The following TJP1 variants were observed in gnomAD, a reference collection of about 807,000 sequenced individuals.
The protein encoded by TJP1 is tight junction protein ZO-1.
In TJP1, 43 loss-of-function variants were observed where a neutral mutation model predicts 194.2. The observed-to-expected ratio is 0.22, with a 90% confidence interval of 0.17 to 0.29. The LOEUF (loss-of-function observed/expected upper bound fraction) is 0.29, where lower values mean the gene tolerates loss of function less well. Among genes scored for constraint, TJP1 ranks in the 10% least tolerant of loss-of-function variants. TJP1 has a pLI of 1.00. For missense variants in TJP1, 1,971 were observed against 2,185.7 expected (o/e 0.90, Z 1.96); for synonymous variants, 801 against 779.0 (o/e 1.03, Z -0.47).
chr15:29,720,793 A>T lies in TJP1; in HGVS notation c.2413-85T>A, dbSNP rs777589222. On this transcript the variant is annotated intron_variant, in intron 18 of 27. Transcript: ENST00000614355. ...TATCGTACAAGGCAGATTGAAAAGG[A>T]TATCTTTCTCTGGAGAAGTCACATC... 497 of 1,103,730 alleles carry T rather than the reference A, an allele frequency of 4.5e-4. 1 individual carries two copies. Among genetic ancestry groups the T allele is most frequent in the Non-Finnish European group, 5.7e-4 (448 of 780,812 alleles). 68.4% of individuals were successfully genotyped at this position (1,103,730 alleles called of 1,614,324 possible). A position where few individuals can be genotyped will look rare whatever the true frequency, so the allele number is the denominator to read the frequency against.
rs1245107699 is a variant in TJP1, at chr15:29,761,630, A to C, written c.833T>G (p.Ile278Ser). Residue 278 changes from isoleucine (I) to serine (S), a missense_variant, in exon 7 of 28, where the codon ATC (isoleucine) becomes AGC (serine). Transcript: ENST00000614355. The part of the protein sequence containing the change: ...LLNVPDLSDS[I>S]HSANASERDD... ...TCTCTCAGAGGCATTAGCAGAGTGG[A>C]TGCTGTCAGAAAGATCAGGGACATT... 1 of 1,606,068 alleles carries C rather than the reference A, an allele frequency of 6.2e-7. No individual in the cohort carries two copies. Among genetic ancestry groups the C allele is most frequent in the East Asian group, 2.2e-5 (1 of 44,604 alleles).
chr15:29,790,725 C>T (rs571696865), intron 2 of TJP1, among the ~76,000 whole-genome samples: 1 of 151,496 alleles, frequency 6.6e-6, no homozygotes, highest in South Asian at 2.1e-4. Flanking sequence ...CATCATTCTA[C>T]TCTCTGTCTC....
At chr15:29,793,450 C>A (rs935057718) in intron 2 of TJP1, among the ~76,000 whole-genome samples, 3 of 152,068 alleles carry the variant, frequency 2.0e-5, no homozygotes, top group East Asian at 1.9e-4. Flanking sequence ...TAAAGAAATA[C>A]CTGAGACTGG....
At chr15:29,877,021 G>C (rs895714575) in intron 2 of TJP1, among the ~76,000 whole-genome samples, 2 of 152,136 alleles carry the variant, frequency 1.3e-5, no homozygotes, top group African/African-American at 4.8e-5. Flanking sequence ...CCTCACTTTT[G>C]TCAAAATTTT....
chr15:29,737,250 C>CT lies in TJP1; in HGVS notation c.1407+13_1407+14insA. 6.2e-7 allele frequency: 1 copy of CT among 1,612,660 alleles called. No individual in the cohort carries two copies. The highest frequency in any genetic ancestry group is 8.5e-7 in the Non-Finnish European group (1 of 1,179,090). The stretch of plus-strand genomic sequence containing the variant: ...AATACTTTTTAACCCACATAAGTTG[C>CT]AATACTGACATACCCTGAGAATTTG... On this transcript the variant is annotated intron_variant, in intron 11 of 27. Transcript: ENST00000614355.
intron 2 of TJP1, among the ~76,000 whole-genome samples, chr15:29,937,362 T>C (rs1424342883): frequency 1.3e-5 from 2 of 152,152 alleles, no homozygotes; most frequent in African/African-American, 4.8e-5. Context: ...TTTTATATCA[T>C]TTAAACAAAG....
chr15:29,871,231 A>G (rs1052400623), intron 2 of TJP1, among the ~76,000 whole-genome samples: 1 of 152,258 alleles, frequency 6.6e-6, no homozygotes, highest in Admixed American at 6.5e-5. Flanking sequence ...ACGTATGCAA[A>G]GCAGGAAGTG....
intron 8 of TJP1, among the ~76,000 whole-genome samples, chr15:29,753,454 A>C (rs1409677134): frequency 2.1e-5 from 3 of 141,556 alleles, no homozygotes; most frequent in Admixed American, 1.5e-4. Flanking sequence ...ACTGCACTCC[A>C]GCCTGGGAGA....
intron 2 of TJP1, among the ~76,000 whole-genome samples, chr15:29,901,939 C>T (rs1365715882): frequency 6.6e-6 from 1 of 151,806 alleles, no homozygotes; most frequent in African/African-American, 2.4e-5. Context: ...TGTACCAGCC[C>T]GTAATTCTGC....
chr15:29,772,240 T>C (rs1050727455), intron 3 of TJP1, 74 bp from the exon 4 acceptor site: 9 of 830,458 alleles, frequency 1.1e-5, no homozygotes, highest in Middle Eastern at 2.2e-4. Context: ...ATTTCCAAGA[T>C]AGGTACTTCT....
chr15:29,779,234 G>C (rs2047202924), intron 2 of TJP1, among the ~76,000 whole-genome samples: 1 of 152,164 alleles, frequency 6.6e-6, no homozygotes, highest in African/African-American at 2.4e-5. Flanking sequence ...GTGACTGTTT[G>C]ATGTCAGAGG....
intron 2 of TJP1, among the ~76,000 whole-genome samples, chr15:29,939,682 T>C (rs2055000699): frequency 6.6e-6 from 1 of 152,144 alleles, no homozygotes; most frequent in Non-Finnish European, 1.5e-5. Context: ...ACAAAAGTGA[T>C]GGTATTAGGA....
intron 2 of TJP1, among the ~76,000 whole-genome samples, chr15:29,949,327 T>C (rs62649075): frequency 0.011 from 235 of 21,042 alleles, no homozygotes; most frequent in Middle Eastern, 0.033. Context: ...TCACCACCAC[T>C]ACCTCCACCA....
chr15:29,711,327 A>G (rs1311590575), intron 23 of TJP1, among the ~76,000 whole-genome samples: 1 of 152,186 alleles, frequency 6.6e-6, no homozygotes, highest in Non-Finnish European at 1.5e-5. Flanking sequence ...AGTCTTGCAA[A>G]TATTCTGAAA....
chr15:29,948,631 C>A (rs1191577890), intron 2 of TJP1, among the ~76,000 whole-genome samples: 2 of 152,152 alleles, frequency 1.3e-5, no homozygotes, highest in Non-Finnish European at 2.9e-5. Flanking sequence ...CTGCCCATGG[C>A]ATGGCACAAG....
chr15:29,716,953 T>A, intron 22 of TJP1, 115 bp from the exon 23 acceptor site: 1 of 874,942 alleles, frequency 1.1e-6, no homozygotes, highest in Non-Finnish European at 1.7e-6. Flanking sequence ...ACTGCTGTGA[T>A]TACTGAGGAT....
Position 29,720,381 on chromosome 15 carries a change from C to G in TJP1, c.2740G>C (p.Gly914Arg). ...PQPIHRIDSPGFKPASQQKAE... is the reference protein window; with the variant it reads ...PQPIHRIDSPRFKPASQQKAE... ...ACCTGTTGAGAGGCTGGCTTAAATC[C>G]AGGGGAGTCTATTCTATGAATTGGT... The change falls in exon 19 of 28, where the codon GGA becomes CGA. Residue 914 changes from glycine (G) to arginine (R), a missense_variant. Physicochemically the swap from Gly to Arg is moderately radical, Grantham distance 125. Transcript: ENST00000614355. 1 of 1,598,340 alleles carries G rather than the reference C, an allele frequency of 6.3e-7. No individual in the cohort carries two copies. The highest frequency in any genetic ancestry group is 8.5e-7 in the Non-Finnish European group (1 of 1,171,766).
At chr15:29,863,991 G>T (rs985012284) in intron 2 of TJP1, among the ~76,000 whole-genome samples, 53 of 152,166 alleles carry the variant, frequency 3.5e-4, no homozygotes, top group Middle Eastern at 3.4e-3. Flanking sequence ...TTAAACCATA[G>T]GCTTCAACTT....
chr15:29,799,043 T>C (rs763344427), intron 2 of TJP1, among the ~76,000 whole-genome samples: 5 of 152,350 alleles, frequency 3.3e-5, no homozygotes, highest in South Asian at 2.1e-4. Context: ...AGTTTTTGTA[T>C]TGAAGTTGTC....
Sources: allele counts gnomAD v4.1 joint callset (sites outside exome capture counted in the v4.1 genomes callset), GRCh38; gene constraint gnomAD v4.1.1; transcripts MANE v1.5; gene names NCBI Gene and HGNC (gene_info 2026-07-23, HGNC 2026-07-21).